NHS: variants seen among roughly 807,000 people sequenced by gnomAD.
NHS encodes actin remodeling regulator NHS.
Under a neutral mutation model 72.5 loss-of-function variants are expected in NHS, and 5 were observed. That is an observed-to-expected ratio of 0.07 (90% CI 0.04 to 0.14). NHS has a LOEUF of 0.14. Ranked by LOEUF, NHS falls within the 10% of genes least tolerant of loss-of-function variation. NHS has a pLI of 1.00. For missense variants in NHS, 1,072 were observed against 1,355.7 expected (o/e 0.79, Z 3.29); for synonymous variants, 464 against 547.7 (o/e 0.85, Z 2.13).
At chrX:17,427,686 C>A (rs183790743) in intron 1 of NHS, among the ~76,000 whole-genome samples, 2 of 112,517 alleles carry the variant, frequency 1.8e-5, no homozygotes, top group Non-Finnish European at 3.8e-5. Flanking sequence ...CTGTCTTGCA[C>A]AGATAATAGA....
At chrX:17,549,500 T>C (rs981595409) in intron 1 of NHS, among the ~76,000 whole-genome samples, 10 of 111,586 alleles carry the variant, frequency 9.0e-5, no homozygotes, top group African/African-American at 3.3e-4. Context: ...TGTTTCTGTT[T>C]AGAGGTTTTC....
At chrX:17,490,683 G>A (rs2146916564) in intron 1 of NHS, among the ~76,000 whole-genome samples, 1 of 111,851 alleles carries the variant, frequency 8.9e-6, no homozygotes, top group African/African-American at 3.2e-5. Context: ...TACCTTGATG[G>A]GGATAGCATT....
At chrX:17,430,334 C>CT (rs1265351582) in intron 1 of NHS, among the ~76,000 whole-genome samples, 9 of 65,933 alleles carry the variant, frequency 1.4e-4, no homozygotes, top group African/African-American at 5.3e-4. Flanking sequence ...CTTTCTTTTT[C>CT]TTCTCTTTCT....
At chrX:17,453,781 A>G (rs6632983) in intron 1 of NHS, among the ~76,000 whole-genome samples, 28,732 of 111,144 alleles carry the variant, frequency 0.26, 2,776 homozygotes, top group South Asian at 0.53. Context: ...CAAACTCATC[A>G]TGGAGGTCAC....
At chrX:17,450,738 T>C (rs1250313627) in intron 1 of NHS, among the ~76,000 whole-genome samples, 1 of 111,758 alleles carries the variant, frequency 8.9e-6, no homozygotes, top group Non-Finnish European at 1.9e-5. Flanking sequence ...AAGCTGGGCA[T>C]GGTGGCGCAT....
At chrX:17,415,532 C>A (rs1444007370) in intron 1 of NHS, among the ~76,000 whole-genome samples, 2 of 111,662 alleles carry the variant, frequency 1.8e-5, no homozygotes, top group Admixed American at 1.9e-4. Flanking sequence ...CTTGAAAAAA[C>A]CTCAAATTTT....
chrX:17,412,703 T>G (rs755169792), intron 1 of NHS, among the ~76,000 whole-genome samples: 1 of 112,651 alleles, frequency 8.9e-6, no homozygotes, highest in African/African-American at 3.2e-5. Flanking sequence ...TAACATCACT[T>G]TCCAATAATC....
intron 1 of NHS, among the ~76,000 whole-genome samples, chrX:17,596,041 C>CA (rs11325153): frequency 9.8e-4 from 102 of 103,919 alleles, no homozygotes; most frequent in Non-Finnish European, 1.4e-3. Context: ...TCCCTCCCTC[C>CA]AAAAAAAAAA....
At chrX:17,619,561 G>A (rs2065763117) in intron 1 of NHS, among the ~76,000 whole-genome samples, 1 of 112,011 alleles carries the variant, frequency 8.9e-6, no homozygotes, top group Non-Finnish European at 1.9e-5. Context: ...TAACCAATGA[G>A]CCATGTGGCT....
At chrX:17,578,002 A>C (rs1328540561) in intron 1 of NHS, among the ~76,000 whole-genome samples, 1 of 112,317 alleles carries the variant, frequency 8.9e-6, no homozygotes, top group Non-Finnish European at 1.9e-5. Flanking sequence ...TCATTCAACA[A>C]ACTTGTTTGT....
At chrX:17,621,001 G>A in intron 1 of NHS, among the ~76,000 whole-genome samples, 1 of 112,078 alleles carries the variant, frequency 8.9e-6, no homozygotes, top group South Asian at 3.8e-4. Flanking sequence ...AGCCATGAGA[G>A]AGATTTTAAG....
chrX:17,720,906 A>G (rs1181759029), intron 4 of NHS, among the ~76,000 whole-genome samples: 2 of 112,360 alleles, frequency 1.8e-5, no homozygotes, highest in Non-Finnish European at 3.8e-5. Context: ...TTATTAAAAA[A>G]TGCCGTAGTC....
At chrX:17,600,183 T>G (rs898810926) in intron 1 of NHS, among the ~76,000 whole-genome samples, 3 of 111,507 alleles carry the variant, frequency 2.7e-5, no homozygotes, top group Non-Finnish European at 5.6e-5. Context: ...GGAGGATGAC[T>G]CTTGAGTTAG....
In NHS at chrX:17,386,663, C is replaced by CAAA. The variant is rs1184465152; in HGVS notation, c.565+10360_565+10362dup. Among the ~76,000 whole-genome samples, 331 of 38,313 alleles carry CAAA rather than the reference C, an allele frequency of 8.6e-3. 4 individuals are homozygous for CAAA. Among genetic ancestry groups the CAAA allele is most frequent in the African/African-American group, 0.027 (300 of 11,016 alleles). 33.3% of individuals were successfully genotyped at this position (38,313 alleles called of 115,157 possible). On this transcript the variant is annotated intron_variant, in intron 1 of 8. Transcript: ENST00000676302. Reference sequence around the variant, plus strand: ...GGGCAGCAAGAGCAAAACTCTGTCTCAAAAAAAAAAAAAAAAAAAAAGAAA... The same window carrying CAAA: ...GGGCAGCAAGAGCAAAACTCTGTCTCAAAAAAAAAAAAAAAAAAAAAAAAGAAA...
intron 3 of NHS, among the ~76,000 whole-genome samples, chrX:17,715,359 A>G (rs2066358706): frequency 8.9e-6 from 1 of 112,708 alleles, no homozygotes. Flanking sequence ...ACATTATTTC[A>G]TTCCGTTTAA....
intron 1 of NHS, among the ~76,000 whole-genome samples, chrX:17,541,387 G>T (rs1253324737): frequency 3.6e-5 from 4 of 111,809 alleles, no homozygotes; most frequent in African/African-American, 1.3e-4. Flanking sequence ...CTCTGGAGGG[G>T]GTTTAAGTGG....
At chrX:17,531,267 A>G (rs944815746) in intron 1 of NHS, among the ~76,000 whole-genome samples, 8 of 95,707 alleles carry the variant, frequency 8.4e-5, no homozygotes, top group Non-Finnish European at 1.6e-4. Flanking sequence ...ATCCCCCTTC[A>G]GTGGCCCCCC....
At chrX:17,607,390 G>A (rs1376395929) in intron 1 of NHS, among the ~76,000 whole-genome samples, 3 of 111,806 alleles carry the variant, frequency 2.7e-5, no homozygotes, top group African/African-American at 9.8e-5. Context: ...CCCAGCCCTT[G>A]GGGAGGTTCT....
chrX:17,412,868 T>C (rs2064568178), intron 1 of NHS, among the ~76,000 whole-genome samples: 1 of 112,417 alleles, frequency 8.9e-6, no homozygotes, highest in African/African-American at 3.2e-5. Context: ...TTGCAGATCA[T>C]GAAGTCTCTG....
Sources: allele counts gnomAD v4.1 joint callset (sites outside exome capture counted in the v4.1 genomes callset), GRCh38; gene constraint gnomAD v4.1.1; transcripts MANE v1.5; gene names NCBI Gene and HGNC (gene_info 2026-07-23, HGNC 2026-07-21).